The following SND1 variants were observed in gnomAD, a reference collection of about 807,000 sequenced individuals.
SND1 encodes the protein staphylococcal nuclease domain-containing protein 1.
SND1 carries 38 observed loss-of-function variants against 121.7 expected under a neutral mutation model. The ratio of observed to expected loss-of-function variants is 0.31; its 90% CI spans 0.24 to 0.41. SND1 has a LOEUF of 0.41. SND1 is among the 10% of genes least tolerant of loss of function. The pLI is 1.00. For missense variants in SND1, 868 were observed against 1,184.6 expected (o/e 0.73, Z 3.92); for synonymous variants, 401 against 447.4 (o/e 0.90, Z 1.31).
At chr7:127,870,998 T>C (rs1799574173) in intron 12 of SND1, among the ~76,000 whole-genome samples, 1 of 152,188 alleles carries the variant, frequency 6.6e-6, no homozygotes, top group Non-Finnish European at 1.5e-5. Context: ...TTTATTTATT[T>C]ATTTTACTTT....
At chr7:127,692,023 A>G (rs1010674530) in intron 2 of SND1, among the ~76,000 whole-genome samples, 1 of 152,276 alleles carries the variant, frequency 6.6e-6, no homozygotes. Flanking sequence ...GGACTGGGGT[A>G]GCTGGGGAAA....
At chr7:127,844,076 TTTA>T (rs377711769) in intron 11 of SND1, among the ~76,000 whole-genome samples, 16 of 152,364 alleles carry the variant, frequency 1.1e-4, no homozygotes, top group African/African-American at 3.6e-4. Flanking sequence ...ATCAGGTTGT[TTTA>T]TTATTGTTGA....
intron 14 of SND1, among the ~76,000 whole-genome samples, chr7:127,912,609 A>G (rs1800484016): frequency 6.6e-6 from 1 of 152,192 alleles, no homozygotes; most frequent in Admixed American, 6.5e-5. Flanking sequence ...TCTGTTCTTT[A>G]GTCTCTTTGA....
intron 16 of SND1, among the ~76,000 whole-genome samples, chr7:127,994,823 T>C (rs1802608256): frequency 6.6e-6 from 1 of 152,112 alleles, no homozygotes; most frequent in Admixed American, 6.6e-5. Flanking sequence ...GCAATTCTCC[T>C]GCCTCAGCCT....
At chr7:128,076,810 A>G (rs1793514115) in intron 17 of SND1, among the ~76,000 whole-genome samples, 1 of 152,214 alleles carries the variant, frequency 6.6e-6, no homozygotes. Context: ...GTGTGCATGC[A>G]TTCGTGAGTG....
intron 15 of SND1, among the ~76,000 whole-genome samples, chr7:127,959,261 A>G (rs1563071111): frequency 6.6e-6 from 1 of 152,168 alleles, no homozygotes; most frequent in Non-Finnish European, 1.5e-5. Context: ...TGCTAGCCAG[A>G]TCCCTATCAT....
intron 2 of SND1, among the ~76,000 whole-genome samples, chr7:127,688,470 G>A (rs1465670302): frequency 6.6e-6 from 1 of 151,728 alleles, no homozygotes; most frequent in African/African-American, 2.4e-5. Flanking sequence ...CACTTTGGGA[G>A]GCTGAGTGGG....
intron 16 of SND1, among the ~76,000 whole-genome samples, chr7:128,017,623 C>T (rs1170479207): frequency 6.6e-6 from 1 of 152,252 alleles, no homozygotes; most frequent in Admixed American, 6.5e-5. Flanking sequence ...CACCTGATCC[C>T]ATCTCAAGTC....
intron 16 of SND1, among the ~76,000 whole-genome samples, chr7:128,035,885 A>G (rs1792740987): frequency 6.6e-6 from 1 of 152,158 alleles, no homozygotes; most frequent in Non-Finnish European, 1.5e-5. Flanking sequence ...CTAACCTGAT[A>G]TGCATCCCTG....
chr7:128,011,941 C>T (rs1223836502), intron 16 of SND1, among the ~76,000 whole-genome samples: 2 of 152,078 alleles, frequency 1.3e-5, no homozygotes, highest in African/African-American at 2.4e-5. Context: ...TATGGAAGTT[C>T]ATTAGTATCC....
In SND1 at chr7:127,814,593, A is replaced by G. The variant is rs151058638; in HGVS notation, c.1242+7020A>G. ...CAGTTTTGTCCACTTACAAGGATCT[A>G]TGTAGGGATACTAGATATAAATTTT... On this transcript the variant is annotated intron_variant, in intron 11 of 23. Transcript: ENST00000354725. 4.9e-3 allele frequency among the ~76,000 whole-genome samples: 742 copies of G among 152,022 alleles called. 2 individuals carry two copies. The highest frequency in any genetic ancestry group is 0.011 in the Admixed American group (169 of 15,212).
At chr7:127,922,392 G>A (rs1353901428) in intron 14 of SND1, among the ~76,000 whole-genome samples, 1 of 151,742 alleles carries the variant, frequency 6.6e-6, no homozygotes, top group African/African-American at 2.4e-5. Context: ...TGCGGTGATT[G>A]TCCGAATGGT....
At chr7:127,989,499 TG>T (rs576794851) in intron 15 of SND1, among the ~76,000 whole-genome samples, 74 of 152,270 alleles carry the variant, frequency 4.9e-4, no homozygotes, top group Non-Finnish European at 9.3e-4. Flanking sequence ...TACACAGAGA[TG>T]TACCTTCTAT....
rs191018421 is a variant in SND1, at chr7:128,052,811, G to A, written c.1780-21691G>A. ...TTCCCTCGGATTTCAGTGTTACTTC[G>A]ATGGGTCCCTTGGGGCAGAAAAATT... On this transcript the variant is annotated intron_variant, in intron 16 of 23. Transcript: ENST00000354725. This position sits in a 1 kb window ranked among gnomAD's most constrained non-coding sequence, Gnocchi z 4.6. Among the ~76,000 whole-genome samples the A allele has an allele frequency of 6.6e-6, 1 of 152,162 alleles. No individual in the cohort carries two copies. Among genetic ancestry groups the A allele is most frequent in the Non-Finnish European group, 1.5e-5 (1 of 68,036 alleles).
intron 10 of SND1, among the ~76,000 whole-genome samples, chr7:127,729,741 A>G (rs561965737): frequency 6.6e-6 from 1 of 152,330 alleles, no homozygotes; most frequent in African/African-American, 2.4e-5. Context: ...GGTAGACTTT[A>G]GACTGGATGA....
intron 10 of SND1, among the ~76,000 whole-genome samples, chr7:127,732,469 C>G (rs576394166): frequency 3.2e-4 from 49 of 152,234 alleles, no homozygotes; most frequent in African/African-American, 1.1e-3. Flanking sequence ...TTGTGTTGTT[C>G]AAAAATCCTC....
chr7:128,037,651 T>C (rs1327903725), intron 16 of SND1, among the ~76,000 whole-genome samples: 1 of 152,140 alleles, frequency 6.6e-6, no homozygotes, highest in Non-Finnish European at 1.5e-5. Context: ...AACCAGCAGG[T>C]GACTCTTCCC....
At chr7:127,708,508 G>C (rs1221704075) in intron 9 of SND1, among the ~76,000 whole-genome samples, 1 of 151,862 alleles carries the variant, frequency 6.6e-6, no homozygotes, top group African/African-American at 2.4e-5. Context: ...GGTTTATCAG[G>C]AGTTAACCCT....
chr7:127,966,096 G>A (rs1801845058), intron 15 of SND1, among the ~76,000 whole-genome samples: 1 of 144,784 alleles, frequency 6.9e-6, no homozygotes, highest in African/African-American at 2.6e-5. Flanking sequence ...TGGGATCAGT[G>A]GTGATATCCC....
Sources: allele counts gnomAD v4.1 joint callset (sites outside exome capture counted in the v4.1 genomes callset), GRCh38; gene constraint gnomAD v4.1.1; non-coding constraint Gnocchi (gnomAD v3.1); transcripts MANE v1.5; gene names NCBI Gene and HGNC (gene_info 2026-07-23, HGNC 2026-07-21).